The following RGS6 variants were observed in gnomAD, a reference collection of about 807,000 sequenced individuals.
RGS6 encodes regulator of G-protein signaling 6.
Under a neutral mutation model 78.5 loss-of-function variants are expected in RGS6, and 30 were observed. That is an observed-to-expected ratio of 0.38 (90% CI 0.29 to 0.52). The LOEUF (loss-of-function observed/expected upper bound fraction) is 0.52. Among genes scored for constraint, RGS6 ranks in the 20% least tolerant of loss-of-function variants. RGS6 has a pLI of 0.85. For missense variants in RGS6, 495 were observed against 609.7 expected, an observed-to-expected ratio of 0.81 and a Z score of 1.98; for synonymous variants, 206 against 206.0, an observed-to-expected ratio of 1.00 and a Z score of 0.00.
intron 12 of RGS6, among the ~76,000 whole-genome samples, chr14:72,485,915 A>G (rs1346417470): frequency 6.6e-6 from 1 of 152,148 alleles, no homozygotes; most frequent in Non-Finnish European, 1.5e-5. Flanking sequence ...GAACTTTGTG[A>G]CTATACAACT....
At chr14:72,148,840 G>C (rs1057196151) in intron 2 of RGS6, among the ~76,000 whole-genome samples, 1 of 152,222 alleles carries the variant, frequency 6.6e-6, no homozygotes, top group Non-Finnish European at 1.5e-5. Context: ...GTAAGCTGTT[G>C]TTACATAGCC....
At chr14:72,241,451 T>C (rs748200110) in intron 2 of RGS6, among the ~76,000 whole-genome samples, 5 of 152,218 alleles carry the variant, frequency 3.3e-5, no homozygotes, top group Admixed American at 2.0e-4. Flanking sequence ...GCAAATTCCT[T>C]TTTTTCTCTC....
At chr14:72,461,224 T>G (rs2095772161) in intron 6 of RGS6, among the ~76,000 whole-genome samples, 1 of 152,152 alleles carries the variant, frequency 6.6e-6, no homozygotes, top group South Asian at 2.1e-4. Flanking sequence ...CGTGTGCCCT[T>G]GTGAATGTGA....
At chr14:72,441,942 G>C (rs1299126677) in intron 3 of RGS6, among the ~76,000 whole-genome samples, 5 of 152,188 alleles carry the variant, frequency 3.3e-5, no homozygotes, top group African/African-American at 9.6e-5. Context: ...AGCTACCCGA[G>C]GCAGCCTGCA....
At chr14:72,190,118 T>C (rs546272134) in intron 2 of RGS6, among the ~76,000 whole-genome samples, 8 of 152,282 alleles carry the variant, frequency 5.3e-5, no homozygotes, top group African/African-American at 1.9e-4. Context: ...CACTGAGGAC[T>C]TTTCCCTCCT....
chr14:72,406,261 G>A (rs2153028868), intron 3 of RGS6, among the ~76,000 whole-genome samples: 1 of 152,272 alleles, frequency 6.6e-6, no homozygotes, highest in South Asian at 2.1e-4. Context: ...GCACACGCCT[G>A]TAGTCCCAGC....
intron 3 of RGS6, among the ~76,000 whole-genome samples, chr14:72,363,998 C>CA (rs1418020854): frequency 3.1e-5 from 1 of 32,300 alleles, no homozygotes; most frequent in African/African-American, 3.0e-4. Flanking sequence ...GTGGACAAGG[C>CA]TAAAAAAAAA....
intron 3 of RGS6, among the ~76,000 whole-genome samples, chr14:72,451,877 C>T (rs556837821): frequency 6.6e-6 from 1 of 152,100 alleles, no homozygotes; most frequent in Admixed American, 6.5e-5. Flanking sequence ...CTGAGCCTCC[C>T]GAGTAGCTGG....
At chr14:72,348,245 A>G (rs1366991489) in intron 2 of RGS6, among the ~76,000 whole-genome samples, 3 of 152,220 alleles carry the variant, frequency 2.0e-5, no homozygotes, top group Non-Finnish European at 4.4e-5. Flanking sequence ...ACAGGGCTGT[A>G]CACTGGAGTC....
chr14:72,398,974 A>G lies in RGS6; in HGVS notation c.184+46780A>G, dbSNP rs535377703. Among the ~76,000 whole-genome samples, 24 of 152,014 alleles carry G rather than the reference A, an allele frequency of 1.6e-4. No homozygotes were observed. The East Asian group carries it at 3.5e-3, about 22-fold the overall frequency. On this transcript the variant is annotated intron_variant, in intron 3 of 17. Coordinates refer to ENST00000553525, the MANE Select transcript of RGS6 (RefSeq NM_001204424.2). ...GCTGAGGAGTGCTTTACTTCCAACT[A>G]TGTGGTCAATTTTGGAATAGGTGTG...
intron 2 of RGS6, among the ~76,000 whole-genome samples, chr14:72,154,172 G>A (rs940537650): frequency 2.6e-5 from 4 of 152,114 alleles, no homozygotes; most frequent in Non-Finnish European, 5.9e-5. Context: ...AGAAAAATAT[G>A]TCTCTTTTTG....
At chr14:72,124,437 CTTA>C (rs2096136617) in intron 2 of RGS6, among the ~76,000 whole-genome samples, 2 of 152,084 alleles carry the variant, frequency 1.3e-5, no homozygotes, top group African/African-American at 2.4e-5. Context: ...TAGGTAAAGA[CTTA>C]TTATGTGAAA....
chr14:72,264,415 G>A lies in RGS6; in HGVS notation c.85-87680G>A, dbSNP rs1039211464. Among the ~76,000 whole-genome samples, 8 of 152,228 alleles carry A rather than the reference G, an allele frequency of 5.3e-5. No homozygotes were observed. In the South Asian group the frequency reaches 1.7e-3, roughly 32 times the overall value. Reference sequence around the variant, plus strand: ...ATCTTCACTTTGAGTGGTTACTGGGGGGCAAAGAATTAGAAAGCCACTATG... The same window carrying A: ...ATCTTCACTTTGAGTGGTTACTGGGAGGCAAAGAATTAGAAAGCCACTATG... On this transcript the variant is annotated intron_variant, in intron 2 of 17. Transcript: ENST00000553525.
intron 15 of RGS6, among the ~76,000 whole-genome samples, chr14:72,525,779 G>A (rs34733217): frequency 6.4e-4 from 97 of 152,292 alleles, no homozygotes; most frequent in Non-Finnish European, 1.3e-3. Context: ...TCTATTGGAA[G>A]GCATTTCCTG....
chr14:71,998,087 A>G (rs1009380220), intron 2 of RGS6, among the ~76,000 whole-genome samples: 1 of 152,184 alleles, frequency 6.6e-6, no homozygotes, highest in African/African-American at 2.4e-5. Context: ...TGAGACATCA[A>G]TCAATGTATG....
chr14:72,065,037 C>T (rs967698879), intron 2 of RGS6, among the ~76,000 whole-genome samples: 16 of 151,884 alleles, frequency 1.1e-4, no homozygotes, highest in African/African-American at 2.7e-4. Flanking sequence ...ATTTAAAATC[C>T]GCGGTGTTTT....
At chr14:71,918,111 G>A in the RGS6 span, among the ~76,000 whole-genome samples, 1 of 147,020 alleles carries the variant, frequency 6.8e-6, no homozygotes, top group Non-Finnish European at 1.5e-5. Flanking sequence ...AACCCGGGGG[G>A]CGGAGCTTGC....
intron 14 of RGS6, 44 bp from the exon 15 acceptor site, chr14:72,518,307 T>C: frequency 6.3e-7 from 1 of 1,581,374 alleles, no homozygotes. Context: ...AACATCCCGA[T>C]GCTGAGCCCC....
the RGS6 span, among the ~76,000 whole-genome samples, chr14:71,875,059 G>C: frequency 1.3e-5 from 2 of 152,114 alleles, no homozygotes; most frequent in Non-Finnish European, 2.9e-5. Flanking sequence ...ATTTTATTAA[G>C]GATTTTTGCA....
Sources: allele counts gnomAD v4.1 joint callset (sites outside exome capture counted in the v4.1 genomes callset), GRCh38; gene constraint gnomAD v4.1.1; transcripts MANE v1.5; gene names NCBI Gene and HGNC (gene_info 2026-07-23, HGNC 2026-07-21).